The following THADA variants were observed in gnomAD, a reference collection of about 807,000 sequenced individuals.
THADA encodes THADA armadillo repeat containing, also known as tRNA (32-2'-O)-methyltransferase regulator THADA.
Under a neutral mutation model 219.8 loss-of-function variants are expected in THADA, and 213 were observed. The observed-to-expected ratio is 0.97, with a 90% CI of 0.87 to 1.09. The LOEUF (loss-of-function observed/expected upper bound fraction) is 1.09. Among genes scored for constraint, THADA ranks in the 50% least tolerant of loss-of-function variants. The pLI is 0.00. For synonymous variants in THADA, 1,018 were observed against 828.9 expected (o/e 1.23, Z -3.92); for missense variants, 2,956 against 2,311.3 (o/e 1.28, Z -5.72).
chr2:43,574,615 C>T lies in THADA; in HGVS notation c.1450G>A (p.Val484Met). The T allele has an allele frequency of 1.2e-6, 2 of 1,613,986 alleles. No homozygotes were observed. The highest frequency in any genetic ancestry group is 1.7e-6 in the Non-Finnish European group (2 of 1,179,886). Reference protein sequence around the residue: ...DKTIPSQILEVMGDQSLVPYA... With the variant: ...DKTIPSQILEMMGDQSLVPYA... Reference sequence around the variant, plus strand: ...GGTACCAATGACTGGTCTCCCATCACCTCTAAGATTTGAGATGGAATAGTT... The same window carrying T: ...GGTACCAATGACTGGTCTCCCATCATCTCTAAGATTTGAGATGGAATAGTT... The change falls in exon 11 of 38, where the codon GTG becomes ATG. Residue 484 changes from valine (V) to methionine (M), a missense_variant. Transcript: ENST00000405975.
chr2:43,272,182 G>C (rs939036116), intron 36 of THADA, among the ~76,000 whole-genome samples: 31 of 152,184 alleles, frequency 2.0e-4, no homozygotes, highest in African/African-American at 7.5e-4. Context: ...TCTGGAGTTG[G>C]AAAACCCCAA....
At chr2:43,517,863 C>T (rs111929366) in intron 22 of THADA, among the ~76,000 whole-genome samples, 4 of 152,290 alleles carry the variant, frequency 2.6e-5, no homozygotes, top group African/African-American at 7.2e-5. Flanking sequence ...CAAAGCCCTA[C>T]GTATCTGGAC....
intron 29 of THADA, among the ~76,000 whole-genome samples, chr2:43,346,741 C>G (rs1315852296): frequency 1.3e-5 from 2 of 152,210 alleles, no homozygotes; most frequent in Non-Finnish European, 2.9e-5. Flanking sequence ...CCAGATAGTT[C>G]CTTGCTTTCC....
At chr2:43,515,186 AATATATT>A (rs1691390337) in intron 22 of THADA, among the ~76,000 whole-genome samples, 4 of 21,334 alleles carry the variant, frequency 1.9e-4, no homozygotes, top group African/African-American at 4.5e-4. Flanking sequence ...TATTATATAT[AATATATT>A]ATATATAATA....
chr2:43,581,555 A>T (rs1700454946), intron 8 of THADA, among the ~76,000 whole-genome samples, 186 bp downstream of exon 8: 2 of 150,918 alleles, frequency 1.3e-5, no homozygotes, highest in Non-Finnish European at 2.9e-5. Context: ...AAAAAAAAAA[A>T]AAAGAAAAGA....
At chr2:43,545,957 T>C (rs2103846545) in intron 20 of THADA, among the ~76,000 whole-genome samples, 1 of 151,894 alleles carries the variant, frequency 6.6e-6, no homozygotes, top group Middle Eastern at 3.4e-3. Flanking sequence ...TTCTTTTAAT[T>C]GTGATGTTAG....
chr2:43,363,636 G>C (rs927400559), intron 29 of THADA, among the ~76,000 whole-genome samples: 11 of 152,188 alleles, frequency 7.2e-5, no homozygotes, highest in African/African-American at 2.7e-4. Context: ...AAAACAAATG[G>C]AAAGACTGAG....
At chr2:43,556,577 G>C in intron 16 of THADA, 22 bp from the exon 17 acceptor site, 1 of 1,592,802 alleles carries the variant, frequency 6.3e-7, no homozygotes, top group Non-Finnish European at 8.6e-7. Context: ...CGCAGACTCA[G>C]TAACTGTCAA....
At chr2:43,578,669 G>C (rs887521650) in intron 8 of THADA, 62 bp from the exon 9 acceptor site, 3 of 1,265,638 alleles carry the variant, frequency 2.4e-6, no homozygotes, top group Non-Finnish European at 2.2e-6. Flanking sequence ...AGAGTGGAAA[G>C]AGCAGATGCT....
chr2:43,531,083 G>C (rs953790545), intron 21 of THADA, among the ~76,000 whole-genome samples: 1 of 152,208 alleles, frequency 6.6e-6, no homozygotes, highest in African/African-American at 2.4e-5. Context: ...GTGGTAGATA[G>C]AAAAGATGAA....
rs1674092260 is a variant in THADA at position 43,286,916 on chromosome 2, G to T, written c.5156C>A (p.Pro1719His). ...TTPLFLTNPHPILELQDTLAL... is the reference protein window; with the variant it reads ...TTPLFLTNPHHILELQDTLAL... ...CGTCTCGGCGCACTTACCAAGAATAGGATGGGGGTTGGTGAGGAAAAGTGG... is the reference window on the plus strand; with the variant it reads ...CGTCTCGGCGCACTTACCAAGAATATGATGGGGGTTGGTGAGGAAAAGTGG... The change falls in exon 35 of 38, where the codon CCT becomes CAT. Residue 1719 changes from proline to histidine, a missense_variant. Transcript: ENST00000405975. 1.2e-6 allele frequency: 2 copies of T among 1,612,004 alleles called. No individual in the cohort carries two copies. The highest frequency in any genetic ancestry group is 1.7e-5 in the Admixed American group (1 of 59,968).
At chr2:43,498,743 TA>T in intron 25 of THADA, 89 bp downstream of exon 25, 1 of 1,327,004 alleles carries the variant, frequency 7.5e-7, no homozygotes, top group Non-Finnish European at 1.0e-6. Flanking sequence ...GGGCAGGAAA[TA>T]TTTTTTATCA....
intron 31 of THADA, among the ~76,000 whole-genome samples, chr2:43,312,069 A>G (rs1025327412): frequency 2.0e-5 from 3 of 152,032 alleles, no homozygotes; most frequent in Non-Finnish European, 2.9e-5. Context: ...CAGAAAAACC[A>G]CTAGGTTGGC....
chr2:43,279,845 C>A lies in THADA; in HGVS notation c.5216G>T (p.Ser1739Ile). 1 of 1,569,336 alleles carries A rather than the reference C, an allele frequency of 6.4e-7. No individual in the cohort carries two copies. The highest frequency in any genetic ancestry group is 1.3e-5 in the African/African-American group (1 of 74,196). ...LWKCVLTLLQ[S>I]EEQAVRDAAT... ...TGCATCTCTAACAGCTTGCTCCTCA[C>A]TCTGCAGAAGGGTAAGGACACACTT... is the stretch of plus-strand genomic sequence containing the variant. The change falls in exon 36 of 38, where the codon AGT (serine) becomes ATT (isoleucine). Residue 1739 changes from serine (S) to isoleucine (I), a missense_variant. Ser to Ile is a moderately radical substitution (Grantham distance 142). Transcript: ENST00000405975.
intron 29 of THADA, among the ~76,000 whole-genome samples, chr2:43,354,251 T>C (rs1474421694): frequency 6.6e-6 from 1 of 152,134 alleles, no homozygotes; most frequent in Admixed American, 6.6e-5. Flanking sequence ...CCACCATGCC[T>C]GGCTACATTT....
At chr2:43,291,870 C>G in intron 33 of THADA, 102 bp from the exon 34 acceptor site, 1 of 1,053,274 alleles carries the variant, frequency 9.5e-7, no homozygotes, top group Non-Finnish European at 1.3e-6. Context: ...GAGGTGAATA[C>G]TGAAAATCTC....
At chr2:43,311,171 C>T (rs1201524474) in intron 31 of THADA, among the ~76,000 whole-genome samples, 1 of 150,072 alleles carries the variant, frequency 6.7e-6, no homozygotes, top group Admixed American at 6.6e-5. Context: ...AGCGAAACTC[C>T]GTCTCAAAAA....
At chr2:43,580,398 T>G (rs1387958033) in intron 8 of THADA, among the ~76,000 whole-genome samples, 2 of 146,786 alleles carry the variant, frequency 1.4e-5, no homozygotes, top group African/African-American at 4.9e-5. Flanking sequence ...AGAATCTTTT[T>G]TTTAGACTAA....
At chr2:43,503,735 C>A (rs980124847) in intron 24 of THADA, among the ~76,000 whole-genome samples, 3 of 151,986 alleles carry the variant, frequency 2.0e-5, no homozygotes, top group Admixed American at 6.6e-5. Context: ...AAATTATCAA[C>A]TAAAAAAGCT....
Sources: allele counts gnomAD v4.1 joint callset (sites outside exome capture counted in the v4.1 genomes callset), GRCh38; gene constraint gnomAD v4.1.1; transcripts MANE v1.5; gene names NCBI Gene and HGNC (gene_info 2026-07-23, HGNC 2026-07-21).